Variants in SETD2 observed in about 807,000 individuals in gnomAD.
SETD2 encodes the protein SET domain containing 2, histone lysine methyltransferase.
SETD2 carries 31 observed loss-of-function variants against 242.1 expected under a neutral mutation model. That is an observed-to-expected ratio of 0.13 (90% CI 0.10 to 0.17). The LOEUF (loss-of-function observed/expected upper bound fraction) is 0.17. Ranked by LOEUF, SETD2 falls within the 10% of genes least tolerant of loss-of-function variation. The probability of loss-of-function intolerance (pLI) is 1.00; values close to 1 mark genes in which losing one functional copy is unlikely to be tolerated. For synonymous variants in SETD2, 1,006 were observed against 1,066.5 expected, an observed-to-expected ratio of 0.94 and a Z score of 1.11; for missense variants, 2,481 against 3,046.3, an observed-to-expected ratio of 0.81 and a Z score of 4.37.
At chr3:47,157,528 G>A (rs964602176) in intron 1 of SETD2, 28 of 455,740 alleles carry the variant, frequency 6.1e-5, no homozygotes, top group East Asian at 2.1e-4. Context: ...ACATCATGGC[G>A]CCTCATAAGT....
chr3:47,131,311 T>C (rs2043469130), intron 1 of SETD2, among the ~76,000 whole-genome samples: 2 of 152,222 alleles, frequency 1.3e-5, no homozygotes, highest in African/African-American at 2.4e-5. Flanking sequence ...AGTTACAGAA[T>C]GACAGCTTTT....
Position 47,017,705 on chromosome 3 carries a change from T to A in SETD2, c.7466A>T (p.Tyr2489Phe), listed in dbSNP as rs1343408083. 1 of 1,613,942 alleles carries A rather than the reference T, an allele frequency of 6.2e-7. No individual in the cohort carries two copies. Among genetic ancestry groups the A allele is most frequent in the African/African-American group, 1.3e-5 (1 of 75,000 alleles). The change falls in exon 20 of 21, where the codon TAC becomes TTC. Residue 2489 changes from tyrosine (Y) to phenylalanine (F), a missense_variant. Tyr to Phe is a conservative substitution (Grantham distance 22). Around this residue, in one of 17 missense-constraint regions of SETD2, gnomAD observed 40 missense variants for 89.5 expected, o/e 0.45. Transcript: ENST00000409792. This position sits in a 1 kb window ranked among gnomAD's most constrained non-coding sequence, Gnocchi z 4.8. ...SQFIVQCLNP[Y>F]RKPDCKVGRI... Reference sequence around the variant, plus strand: ...TCCCACTTTGCAGTCAGGTTTCCGGTAAGGGTTCAGGCACTGGACGATGAA... The same window carrying A: ...TCCCACTTTGCAGTCAGGTTTCCGGAAAGGGTTCAGGCACTGGACGATGAA...
chr3:47,031,439 C>T (rs1427561255), intron 18 of SETD2, among the ~76,000 whole-genome samples: 1 of 152,192 alleles, frequency 6.6e-6, no homozygotes, highest in Non-Finnish European at 1.5e-5. Flanking sequence ...AAAATAAAGA[C>T]TACTTTTTAA....
chr3:47,118,890 T>C (rs1381358416), intron 3 of SETD2, among the ~76,000 whole-genome samples: 2 of 152,066 alleles, frequency 1.3e-5, no homozygotes. Flanking sequence ...TCCTAAAGGG[T>C]ACTACTTAAA....
chr3:47,120,461 T>G lies in SETD2; in HGVS notation c.4175A>C (p.Asn1392Thr), dbSNP rs2107741818. ...AVNEKKDFSK[N>T]LEKNDIKDRG... ...ATCTTTGATATCATTTTTTTCTAAG[T>G]TTTTTGAAAAATCTTTCTTTTCATT... is the stretch of plus-strand genomic sequence containing the variant. The change falls in exon 3 of 21, where the codon AAC becomes ACC. Residue 1392 changes from asparagine to threonine, a missense_variant. Around this residue, in one of 17 missense-constraint regions of SETD2, gnomAD observed 1,300 missense variants for 1,259.2 expected, o/e 1.03. Transcript: ENST00000409792. 3.1e-6 allele frequency: 5 copies of G among 1,613,068 alleles called. No homozygotes were observed. Among genetic ancestry groups the G allele is most frequent in the Non-Finnish European group, 4.2e-6 (5 of 1,179,746 alleles).
chr3:47,121,845 C>T lies in SETD2; in HGVS notation c.2791G>A (p.Glu931Lys), dbSNP rs368973698. ...GAATCAGGAAGGTCACTACCTACTTCTACTATTGTTTCTTTCCCTGCATGC... is the reference window on the plus strand; with the variant it reads ...GAATCAGGAAGGTCACTACCTACTTTTACTATTGTTTCTTTCCCTGCATGC... ...LKHAGKETIV[E>K]VGSDLPDSGK... The change falls in exon 3 of 21, where the codon GAA (glutamate) becomes AAA (lysine). Residue 931 changes from glutamate (E) to lysine (K), a missense_variant. Glu to Lys is a moderately conservative substitution (Grantham distance 56). Around this residue, in one of 17 missense-constraint regions of SETD2, gnomAD observed 1,300 missense variants for 1,259.2 expected, o/e 1.03. Coordinates refer to ENST00000409792, the MANE Select transcript of SETD2 (RefSeq NM_014159.7). 3.2e-5 allele frequency: 52 copies of T among 1,613,992 alleles called. No individual in the cohort carries two copies. Among genetic ancestry groups the T allele is most frequent in the Non-Finnish European group, 4.2e-5 (49 of 1,180,020 alleles).
chr3:47,052,588 A>G (rs1242014109), intron 15 of SETD2, among the ~76,000 whole-genome samples: 2 of 152,146 alleles, frequency 1.3e-5, no homozygotes, highest in Admixed American at 1.3e-4. Flanking sequence ...AGGCCGAGGC[A>G]GGTGGATCAC....
intron 10 of SETD2, among the ~76,000 whole-genome samples, chr3:47,087,208 CAA>C (rs531462349): frequency 3.3e-4 from 31 of 93,016 alleles, no homozygotes; most frequent in African/African-American, 4.8e-4. Context: ...TGAATTATTA[CAA>C]AAAAAAAAAA....
chr3:47,112,161 T>G (rs1420169503), intron 5 of SETD2, among the ~76,000 whole-genome samples: 2 of 150,946 alleles, frequency 1.3e-5, no homozygotes, highest in African/African-American at 4.9e-5. Context: ...TCCCCCAGGC[T>G]GGAATGCAGT....
chr3:47,052,544 T>C (rs1027796267), intron 15 of SETD2, among the ~76,000 whole-genome samples: 2 of 151,988 alleles, frequency 1.3e-5, no homozygotes, highest in Non-Finnish European at 2.9e-5. Context: ...TGGCCAGGCA[T>C]GGTGGTTCAA....
intron 16 of SETD2, among the ~76,000 whole-genome samples, chr3:47,044,635 C>T (rs2107544729): frequency 6.6e-6 from 1 of 152,208 alleles, no homozygotes; most frequent in African/African-American, 2.4e-5. Context: ...CTCTTATTTT[C>T]CACTTTATCC....
intron 2 of SETD2, among the ~76,000 whole-genome samples, chr3:47,126,068 T>TACA (rs1017441270): frequency 6.6e-6 from 1 of 152,226 alleles, no homozygotes; most frequent in African/African-American, 2.4e-5. Flanking sequence ...CTTGCTCTGT[T>TACA]GCCCAGGCTG....
Position 47,124,030 on chromosome 3 carries a change from G to C in SETD2, c.606C>G (p.Leu202=), listed in dbSNP as rs773519273. Residue 202 remains leucine (L), a synonymous_variant, in exon 3 of 21, where the codon CTC becomes CTG. Coordinates refer to ENST00000409792, the MANE Select transcript of SETD2 (RefSeq NM_014159.7). ...PPPPPAQATT[L]SSPAPVTEPV... ...GCTCTGTTACTGGTGCTGGTGATGA[G>C]AGTGTTGTGGCTTGGGCAGGTGGAG... 24 of 1,552,258 alleles carry C rather than the reference G, an allele frequency of 1.5e-5. No individual in the cohort carries two copies. In the East Asian group the frequency reaches 5.4e-4, roughly 35 times the overall value.
chr3:47,042,698 A>G lies in SETD2; in HGVS notation c.7101T>C (p.Ser2367=), dbSNP rs149025565. ...AGAGATTATTTGTCACAACCATTTC[A>G]GACTACAAAGAAAACACACACATTT... ...APGQPQPLQP[S]EMVVTNNLLD... Residue 2367 remains serine, a splice_region_variant and synonymous_variant, in exon 17 of 21, where the codon TCT becomes TCC. Coordinates refer to ENST00000409792, the MANE Select transcript of SETD2 (RefSeq NM_014159.7). 2 of 1,597,368 alleles carry G rather than the reference A, an allele frequency of 1.3e-6. No individual in the cohort carries two copies. The highest frequency in any genetic ancestry group is 1.8e-5 in the Admixed American group (1 of 56,846).
At chr3:47,130,736 C>T (rs1479955958) in intron 1 of SETD2, among the ~76,000 whole-genome samples, 1 of 151,598 alleles carries the variant, frequency 6.6e-6, no homozygotes, top group Non-Finnish European at 1.5e-5. Context: ...TGAGATCATG[C>T]TAGAATAGCC....
At chr3:47,068,489 CTATCTTT>C (rs1425555854) in intron 12 of SETD2, among the ~76,000 whole-genome samples, 9 of 142,334 alleles carry the variant, frequency 6.3e-5, no homozygotes, top group African/African-American at 2.4e-4. Context: ...TTCAAATACA[CTATCTTT>C]TTTTTTTTTT....
chr3:47,056,519 G>A (rs2040088130), intron 15 of SETD2, among the ~76,000 whole-genome samples: 1 of 152,128 alleles, frequency 6.6e-6, no homozygotes, highest in African/African-American at 2.4e-5. Context: ...ATGTGAGTAG[G>A]TTGGAAAGTG....
At chr3:47,128,250 C>G (rs1355817480) in intron 1 of SETD2, among the ~76,000 whole-genome samples, 1 of 152,186 alleles carries the variant, frequency 6.6e-6, no homozygotes, top group Non-Finnish European at 1.5e-5. Flanking sequence ...TGCTCCATAA[C>G]ACAATGCGCA....
intron 13 of SETD2, chr3:47,066,846 T>G: frequency 2.5e-6 from 1 of 402,212 alleles, no homozygotes. Flanking sequence ...AAGACTGAGT[T>G]CAAGGAAAGC....
Sources: gnomAD v4.1 joint callset for allele counts (sites outside exome capture counted in the v4.1 genomes callset) on GRCh38, gnomAD v4.1.1 for gene constraint, gnomAD v4.1.1 regional missense constraint, Gnocchi (gnomAD v3.1) non-coding constraint, MANE v1.5 for transcripts, NCBI Gene and HGNC (gene_info 2026-07-23, HGNC 2026-07-21) for gene names.